SLC8A2: variants seen among roughly 807,000 people sequenced by gnomAD.
The protein encoded by SLC8A2 is solute carrier family 8 member A2, also known as sodium/calcium exchanger 2.
In SLC8A2, 14 loss-of-function variants were observed where a neutral mutation model predicts 70.2. That is an observed-to-expected ratio of 0.20 (90% CI 0.13 to 0.31). SLC8A2 has a LOEUF of 0.31. Among genes scored for constraint, SLC8A2 ranks in the 10% least tolerant of loss-of-function variants. The pLI is 1.00. For missense variants in SLC8A2, 779 were observed against 1,320.1 expected, an observed-to-expected ratio of 0.59 and a Z score of 6.35; for synonymous variants, 575 against 594.3, an observed-to-expected ratio of 0.97 and a Z score of 0.47.
chr19:47,440,621 C>T (rs1282755076), intron 6 of SLC8A2, among the ~76,000 whole-genome samples: 2 of 150,160 alleles, frequency 1.3e-5, no homozygotes, highest in Admixed American at 6.6e-5. Flanking sequence ...GGCAGAGTTT[C>T]GTTCTTGTTC....
Position 47,430,769 on chromosome 19 carries a change from C to T in SLC8A2, c.2390-304G>A, listed in dbSNP as rs1238161184. Among the ~76,000 whole-genome samples, 1 of 152,192 alleles carries T rather than the reference C, an allele frequency of 6.6e-6. No individual in the cohort carries two copies. Among genetic ancestry groups the T allele is most frequent in the Non-Finnish European group, 1.5e-5 (1 of 68,036 alleles). ...CGAGACGGAGTTTTGCTCTGTCACC[C>T]AGGCTGGAGTGCAGTGGCGTGATCT... On this transcript the variant is annotated intron_variant, in intron 9 of 9. Coordinates refer to ENST00000236877, the MANE Select transcript of SLC8A2 (RefSeq NM_015063.3). This position sits in a 1 kb window ranked among gnomAD's most constrained non-coding sequence, Gnocchi z 5.9.
chr19:47,450,547 G>C (rs1350534628), intron 3 of SLC8A2, among the ~76,000 whole-genome samples: 2 of 152,108 alleles, frequency 1.3e-5, no homozygotes, highest in South Asian at 2.1e-4. Flanking sequence ...GGGGAGTCAG[G>C]CTCCAGTTTT....
At chr19:47,443,105 T>C (rs1599848513) in intron 4 of SLC8A2, among the ~76,000 whole-genome samples, 3 of 152,356 alleles carry the variant, frequency 2.0e-5, no homozygotes, top group Admixed American at 2.0e-4. Context: ...TTTATGTTTT[T>C]TGTTTTATCT....
At chr19:47,464,899 G>A (rs1398010629) in intron 2 of SLC8A2, among the ~76,000 whole-genome samples, 1 of 152,192 alleles carries the variant, frequency 6.6e-6, no homozygotes, top group East Asian at 1.9e-4. Flanking sequence ...TAAGACATGG[G>A]GTGAGCGAAA....
At chr19:47,436,591 C>A (rs1024143758) in intron 8 of SLC8A2, among the ~76,000 whole-genome samples, 2 of 152,144 alleles carry the variant, frequency 1.3e-5, no homozygotes, top group Non-Finnish European at 2.9e-5. Context: ...ATTCCATGTA[C>A]GCCTTCAGTC....
intron 6 of SLC8A2, among the ~76,000 whole-genome samples, chr19:47,438,401 C>T (rs186221780): frequency 6.6e-6 from 1 of 152,124 alleles, no homozygotes; most frequent in Non-Finnish European, 1.5e-5. Context: ...ATTATTATCA[C>T]CAACATTATC....
At position 47,430,625 on chromosome 19, in the gene SLC8A2, A is replaced by G. The variant is rs1362037794; in HGVS notation, c.2390-160T>C. Among the ~76,000 whole-genome samples, 1 of 151,848 alleles carries G rather than the reference A, an allele frequency of 6.6e-6. No homozygotes were observed. The highest frequency in any genetic ancestry group is 1.5e-5 in the Non-Finnish European group (1 of 67,932). ...CACCCAAGAGGCAAAGTCCATCACC[A>G]CCTTTAGGCCTGCTCGCCACTGGAA... On this transcript the variant is annotated intron_variant, in intron 9 of 9. Transcript: ENST00000236877. This position sits in a 1 kb window ranked among gnomAD's most constrained non-coding sequence, Gnocchi z 5.9.
In SLC8A2 at chr19:47,457,781, C is replaced by CTT. The variant is rs370915149; in HGVS notation, c.676-189_676-188dup. ...TTCTTTCTTTCCTTTCTTTCTTTTT[C>CTT]TTTTCTTTTCTTTTCTCTTCCTTCC... On this transcript the variant is annotated intron_variant, in intron 2 of 9. Transcript: ENST00000236877. 6.0e-4 allele frequency among the ~76,000 whole-genome samples: 76 copies of CTT among 126,848 alleles called. 1 individual carries two copies. The highest frequency in any genetic ancestry group is 1.9e-3 in the South Asian group (7 of 3,648). 83.2% of individuals were successfully genotyped at this position (126,848 alleles called of 152,430 possible).
At chr19:47,453,652 G>C (rs1967270707) in intron 3 of SLC8A2, among the ~76,000 whole-genome samples, 1 of 152,144 alleles carries the variant, frequency 6.6e-6, no homozygotes, top group Non-Finnish European at 1.5e-5. Context: ...TGTAATCCCA[G>C]CATTTTGGGA....
intron 3 of SLC8A2, among the ~76,000 whole-genome samples, chr19:47,455,766 G>C (rs545077046): frequency 2.1e-4 from 32 of 152,198 alleles, no homozygotes; most frequent in Non-Finnish European, 4.1e-4. Context: ...TATTGTTCTA[G>C]GTTGATCCCC....
intron 2 of SLC8A2, among the ~76,000 whole-genome samples, chr19:47,463,077 A>C (rs1967415477): frequency 6.6e-6 from 1 of 151,416 alleles, no homozygotes; most frequent in Non-Finnish European, 1.5e-5. Flanking sequence ...CCTTGTCATG[A>C]GGGTAGTTGT....
At chr19:47,469,649 T>C (rs1967508796) in intron 1 of SLC8A2, among the ~76,000 whole-genome samples, 1 of 152,274 alleles carries the variant, frequency 6.6e-6, no homozygotes, top group Middle Eastern at 3.4e-3. Flanking sequence ...ATTTGTGAAA[T>C]GAATGACCAA....
intron 6 of SLC8A2, 39 bp downstream of exon 6, chr19:47,441,130 G>C (rs1599847427): frequency 6.2e-7 from 1 of 1,605,994 alleles, no homozygotes; most frequent in South Asian, 1.1e-5. Context: ...TCTTCCAGTG[G>C]CTCCTCCCCA....
At position 47,448,957 on chromosome 19, in the gene SLC8A2, C is replaced by T; in HGVS notation, c.1341-726G>A. ...CAGCAGTAACCAGGCCCTGTCCTCA[C>T]AGGGTTCACAGCCCCATGGGAGAGC... On this transcript the variant is annotated intron_variant, in intron 3 of 9. Coordinates refer to ENST00000236877, the MANE Select transcript of SLC8A2 (RefSeq NM_015063.3). This position sits in a 1 kb window ranked among gnomAD's most constrained non-coding sequence, Gnocchi z 4.8. Among the ~76,000 whole-genome samples, 1 of 152,182 alleles carries T rather than the reference C, an allele frequency of 6.6e-6. No individual in the cohort carries two copies. The highest frequency in any genetic ancestry group is 1.9e-4 in the East Asian group (1 of 5,192).
At chr19:47,469,150 G>GTA (rs1438501576) in intron 1 of SLC8A2, among the ~76,000 whole-genome samples, 4 of 151,666 alleles carry the variant, frequency 2.6e-5, no homozygotes, top group Non-Finnish European at 5.9e-5. Flanking sequence ...GTGTGTGTGT[G>GTA]TGTGCAGGCA....
At chr19:47,439,911 G>A (rs1257841540) in intron 6 of SLC8A2, among the ~76,000 whole-genome samples, 1 of 152,128 alleles carries the variant, frequency 6.6e-6, no homozygotes, top group African/African-American at 2.4e-5. Context: ...TGATCCGCCC[G>A]CCTGGGCCTC....
chr19:47,459,727 CTGTGTG>C (rs146281410), intron 2 of SLC8A2, among the ~76,000 whole-genome samples: 1 of 149,382 alleles, frequency 6.7e-6, no homozygotes, highest in East Asian at 2.0e-4. Context: ...GTGTGTACGT[CTGTGTG>C]TGTATGTGTA....
intron 3 of SLC8A2, 104 bp downstream of exon 3, chr19:47,456,826 T>C (rs1278526918): frequency 8.8e-7 from 1 of 1,137,798 alleles, no homozygotes; most frequent in Non-Finnish European, 1.2e-6. Context: ...AACCAATGAA[T>C]CCTGCAGGAG....
chr19:47,451,078 A>G (rs139382159), intron 3 of SLC8A2, among the ~76,000 whole-genome samples: 3,304 of 138,824 alleles, frequency 0.024, 118 homozygotes, highest in African/African-American at 0.08. Context: ...GCACGATCTC[A>G]GCTCACTGCA....
Sources: allele counts gnomAD v4.1 joint callset (sites outside exome capture counted in the v4.1 genomes callset), GRCh38; gene constraint gnomAD v4.1.1; non-coding constraint Gnocchi (gnomAD v3.1); transcripts MANE v1.5; gene names NCBI Gene and HGNC (gene_info 2026-07-23, HGNC 2026-07-21).